The following ARHGAP39 variants were observed in gnomAD, a reference collection of about 807,000 sequenced individuals.
The protein encoded by ARHGAP39 is rho GTPase-activating protein 39.
Under a neutral mutation model 106.9 loss-of-function variants are expected in ARHGAP39, and 44 were observed. The observed-to-expected ratio is 0.41, with a 90% confidence interval of 0.32 to 0.53. The LOEUF (loss-of-function observed/expected upper bound fraction) is 0.53, where lower values mean the gene tolerates loss of function less well. ARHGAP39 is among the 20% of genes least tolerant of loss of function. The pLI, the probability that ARHGAP39 is intolerant of heterozygous loss-of-function variation, is 0.21. For missense variants in ARHGAP39, 1,496 were observed against 1,577.3 expected (o/e 0.95, Z 0.87); for synonymous variants, 768 against 693.2 (o/e 1.11, Z -1.69).
the ARHGAP39 span, among the ~76,000 whole-genome samples, chr8:144,690,901 G>A: frequency 1.3e-5 from 2 of 148,596 alleles, no homozygotes; most frequent in East Asian, 4.0e-4. Flanking sequence ...CAAGTGATAT[G>A]CCTGCCTCAG....
chr8:144,653,898 A>G (rs1821633133), intron 1 of ARHGAP39, among the ~76,000 whole-genome samples: 1 of 152,220 alleles, frequency 6.6e-6, no homozygotes, highest in African/African-American at 2.4e-5. Flanking sequence ...CTGGCGCCGA[A>G]AAGGGAAACA....
intron 3 of ARHGAP39, among the ~76,000 whole-genome samples, chr8:144,571,480 C>T (rs1341294635): frequency 2.6e-5 from 4 of 152,110 alleles, no homozygotes; most frequent in African/African-American, 4.8e-5. Context: ...ATTGATGGGA[C>T]GTATCTCAAA....
At chr8:144,696,186 T>A in the ARHGAP39 span, among the ~76,000 whole-genome samples, 1 of 152,196 alleles carries the variant, frequency 6.6e-6, no homozygotes, top group Non-Finnish European at 1.5e-5. Context: ...TCACCCAGGC[T>A]GGAGTGCAGT....
Position 144,548,434 on chromosome 8 carries a change from C to T in ARHGAP39, c.652G>A (p.Ala218Thr), listed in dbSNP as rs1278440579. The change falls in exon 5 of 12, where the codon GCT becomes ACT. Residue 218 changes from alanine to threonine, a missense_variant. By Grantham distance (58) the Ala-to-Thr change is moderately conservative. Around this residue, in one of 4 missense-constraint regions of ARHGAP39, gnomAD observed 905 missense variants for 816.4 expected, o/e 1.11. Coordinates refer to ENST00000377307, the MANE Select transcript of ARHGAP39 (RefSeq NM_025251.3). This position sits in a 1 kb window ranked among gnomAD's most constrained non-coding sequence, Gnocchi z 7.4. ...GAKERMLIKV[A>T]DREPSFLAAQ... Reference sequence around the variant, plus strand: ...GCGAGGAAGCTGGGCTCCCGATCAGCGACCTTGATGAGCATGCGCTCTTTG... The same window carrying T: ...GCGAGGAAGCTGGGCTCCCGATCAGTGACCTTGATGAGCATGCGCTCTTTG... 5 of 1,610,726 alleles carry T rather than the reference C, an allele frequency of 3.1e-6. No homozygotes were observed. The highest frequency in any genetic ancestry group is 3.4e-6 in the Non-Finnish European group (4 of 1,179,632).
chr8:144,652,421 A>G (rs1245486590), intron 1 of ARHGAP39, among the ~76,000 whole-genome samples: 1 of 152,182 alleles, frequency 6.6e-6, no homozygotes, highest in Non-Finnish European at 1.5e-5. Context: ...ATACACCCAG[A>G]GAAATATAAA....
chr8:144,579,751 C>T (rs112859376), intron 3 of ARHGAP39, among the ~76,000 whole-genome samples: 1 of 152,074 alleles, frequency 6.6e-6, no homozygotes, highest in Non-Finnish European at 1.5e-5. Context: ...CAGTCCAACA[C>T]GCTCCTTCCC....
upstream of ARHGAP39, among the ~76,000 whole-genome samples, chr8:144,689,216 G>T (rs185968285): frequency 6.6e-6 from 1 of 152,072 alleles, no homozygotes; most frequent in African/African-American, 2.4e-5. Flanking sequence ...ATCACAGGGT[G>T]CCTGCAAGTT....
At chr8:144,562,304 G>A (rs193079811) in intron 3 of ARHGAP39, among the ~76,000 whole-genome samples, 25 of 65,798 alleles carry the variant, frequency 3.8e-4, no homozygotes, top group South Asian at 1.8e-3. Context: ...GGTTTCCATC[G>A]GGCTCCAGTG....
intron 3 of ARHGAP39, among the ~76,000 whole-genome samples, chr8:144,559,288 C>T (rs1001680773): frequency 7.3e-6 from 1 of 136,708 alleles, no homozygotes; most frequent in Non-Finnish European, 1.5e-5. Flanking sequence ...ATTGTTTGAA[C>T]CTGGGAGGTG....
At chr8:144,579,455 C>T (rs60875738) in intron 3 of ARHGAP39, among the ~76,000 whole-genome samples, 5,092 of 152,208 alleles carry the variant, frequency 0.033, 279 homozygotes, top group African/African-American at 0.12. Context: ...ACCCACGCCA[C>T]GCCCGAGCCT....
chr8:144,609,471 G>A (rs369058894), intron 1 of ARHGAP39, among the ~76,000 whole-genome samples: 43 of 143,764 alleles, frequency 3.0e-4, no homozygotes, highest in East Asian at 2.0e-3. Flanking sequence ...GCATGATCTC[G>A]GCTGACTGCA....
chr8:144,554,061 C>T (rs1817823470), intron 4 of ARHGAP39, among the ~76,000 whole-genome samples: 1 of 152,240 alleles, frequency 6.6e-6, no homozygotes, highest in Admixed American at 6.5e-5. Context: ...AATCGTCAGC[C>T]AGGTGAAAGG....
At chr8:144,697,187 C>T in the ARHGAP39 span, among the ~76,000 whole-genome samples, 1 of 151,992 alleles carries the variant, frequency 6.6e-6, no homozygotes, top group South Asian at 2.1e-4. Flanking sequence ...ATTAGCCAGG[C>T]ATGATGGCAT....
At chr8:144,530,914 A>G in intron 10 of ARHGAP39, 43 bp from the exon 11 acceptor site, 2 of 1,575,928 alleles carry the variant, frequency 1.3e-6, no homozygotes, top group Non-Finnish European at 1.7e-6. Context: ...CTCGGCGGGC[A>G]CCCCTGGGCC....
In ARHGAP39 at chr8:144,581,336, A is replaced by G. The variant is rs961011552; in HGVS notation, c.81-59T>C. ...ACGGCGGCCTGGGCCCGCGCCTCCCACCCCTGCAGACCCCGGCTCCAGCCC... is the reference window on the plus strand; with the variant it reads ...ACGGCGGCCTGGGCCCGCGCCTCCCGCCCCTGCAGACCCCGGCTCCAGCCC... On this transcript the variant is annotated intron_variant, in intron 2 of 11. Transcript: ENST00000377307. 3.4e-6 allele frequency: 5 copies of G among 1,449,644 alleles called. No homozygotes were observed. The South Asian group carries it at 6.8e-5, about 20-fold the overall frequency. 89.8% of individuals were successfully genotyped at this position (1,449,644 alleles called of 1,614,324 possible). A position where few individuals can be genotyped will look rare whatever the true frequency, so the allele number is the denominator to read the frequency against.
Position 144,667,726 on chromosome 8 carries a change from G to C in ARHGAP39, c.-82+17960C>G, listed in dbSNP as rs537957494. Among the ~76,000 whole-genome samples, 5 of 152,298 alleles carry C rather than the reference G, an allele frequency of 3.3e-5. No individual in the cohort carries two copies. In the East Asian group the frequency reaches 7.7e-4, roughly 23 times the overall value. Reference sequence around the variant, plus strand: ...CTCCGCCTACTAGTTGTGTGACCCTGGTGGGTCACAGCCCTCTCCAACCTT... The same window carrying C: ...CTCCGCCTACTAGTTGTGTGACCCTCGTGGGTCACAGCCCTCTCCAACCTT... On this transcript the variant is annotated intron_variant, in intron 1 of 11. Transcript: ENST00000377307.
intron 3 of ARHGAP39, among the ~76,000 whole-genome samples, chr8:144,560,476 A>C (rs925838152): frequency 6.6e-6 from 1 of 152,238 alleles, no homozygotes; most frequent in African/African-American, 2.4e-5. Context: ...GCAAACGTTA[A>C]AGTTGGCTGG....
chr8:144,560,935 T>A (rs1231527114), intron 3 of ARHGAP39, among the ~76,000 whole-genome samples: 3 of 152,260 alleles, frequency 2.0e-5, no homozygotes, highest in African/African-American at 7.2e-5. Flanking sequence ...TATGTTCTAA[T>A]GTGGCTCACT....
rs1816671542 is a variant in ARHGAP39, at chr8:144,530,881, C to A, written c.2981-10G>T. Reference sequence around the variant, plus strand: ...AGCTTCAGCAGGGACGCTGGGGACACAGCACGGGGCTCAGCGGCCCTGCTC... The same window carrying A: ...AGCTTCAGCAGGGACGCTGGGGACAAAGCACGGGGCTCAGCGGCCCTGCTC... On this transcript the variant is annotated splice_polypyrimidine_tract_variant and intron_variant, in intron 10 of 11. Coordinates refer to ENST00000377307, the MANE Select transcript of ARHGAP39 (RefSeq NM_025251.3). 1 of 1,603,674 alleles carries A rather than the reference C, an allele frequency of 6.2e-7. No individual in the cohort carries two copies. Among genetic ancestry groups the A allele is most frequent in the African/African-American group, 1.3e-5 (1 of 74,776 alleles).
Sources: allele counts gnomAD v4.1 joint callset (sites outside exome capture counted in the v4.1 genomes callset), GRCh38; gene constraint gnomAD v4.1.1; regional missense constraint gnomAD v4.1.1; non-coding constraint Gnocchi (gnomAD v3.1); transcripts MANE v1.5; gene names NCBI Gene and HGNC (gene_info 2026-07-23, HGNC 2026-07-21).